Variants in LRRC4C observed in about 807,000 individuals in gnomAD.
LRRC4C encodes leucine rich repeat containing 4C.
Under a neutral mutation model 33.6 loss-of-function variants are expected in LRRC4C, and 5 were observed. The ratio of observed to expected loss-of-function variants is 0.15; its 90% CI spans 0.08 to 0.31. The LOEUF (loss-of-function observed/expected upper bound fraction) is 0.31. Ranked by LOEUF, LRRC4C falls within the 10% of genes least tolerant of loss-of-function variation. The pLI, the probability that LRRC4C is intolerant of heterozygous loss-of-function variation, is 1.00. For missense variants in LRRC4C, 560 were observed against 796.7 expected (o/e 0.70, Z 3.58); for synonymous variants, 329 against 302.0 (o/e 1.09, Z -0.93).
intron 3 of LRRC4C, among the ~76,000 whole-genome samples, chr11:40,405,220 G>A (rs1949916439): frequency 6.6e-6 from 1 of 151,398 alleles, no homozygotes; most frequent in South Asian, 2.1e-4. Context: ...ATGTCACTTA[G>A]CACCATGTCC....
chr11:40,313,896 A>G (rs1281001007), intron 4 of LRRC4C, among the ~76,000 whole-genome samples: 1 of 152,034 alleles, frequency 6.6e-6, no homozygotes, highest in Non-Finnish European at 1.5e-5. Flanking sequence ...TACAGGCGTG[A>G]GCCGCCGCGC....
At chr11:40,456,505 A>C (rs1241819385) in intron 3 of LRRC4C, among the ~76,000 whole-genome samples, 6 of 152,110 alleles carry the variant, frequency 3.9e-5, no homozygotes. Context: ...AAGTGACAGA[A>C]AATATGGAAG....
chr11:41,118,965 CTTTT>C (rs1942284061), intron 1 of LRRC4C, among the ~76,000 whole-genome samples: 3 of 150,404 alleles, frequency 2.0e-5, no homozygotes, highest in Middle Eastern at 3.4e-3. Context: ...CTGCTTATTT[CTTTT>C]TATTTGTTAA....
chr11:41,365,463 C>T (rs1166111839), intron 1 of LRRC4C, among the ~76,000 whole-genome samples: 1 of 152,014 alleles, frequency 6.6e-6, no homozygotes, highest in Non-Finnish European at 1.5e-5. Flanking sequence ...TCAACAACAT[C>T]CCCACCCCTA....
chr11:41,299,290 A>G (rs1392734746), intron 1 of LRRC4C, among the ~76,000 whole-genome samples: 1 of 152,170 alleles, frequency 6.6e-6, no homozygotes, highest in Non-Finnish European at 1.5e-5. Flanking sequence ...ATTAGGAGAA[A>G]GGTAAAAACA....
rs77683172 is a variant in LRRC4C, at chr11:40,495,813, G to GTTTTTTTTTTTTTT, written c.-270+152315_-270+152328dup. The stretch of plus-strand genomic sequence containing the variant: ...TTTTATTGAAGTTCTCAATAAACAT[G>GTTTTTTTTTTTTTT]TTTTTTTTTTTTTTTTTTTTTTTTT... On this transcript the variant is annotated intron_variant, in intron 3 of 6. Coordinates refer to ENST00000528697, the MANE Select transcript of LRRC4C (RefSeq NM_001258419.2). Among the ~76,000 whole-genome samples, 74 of 67,006 alleles carry GTTTTTTTTTTTTTT rather than the reference G, an allele frequency of 1.1e-3. 17 individuals carry two copies. Among genetic ancestry groups the GTTTTTTTTTTTTTT allele is most frequent in the African/African-American group, 2.2e-3 (35 of 15,812 alleles). 44.0% of individuals were successfully genotyped at this position (67,006 alleles called of 152,430 possible). A position where few individuals can be genotyped will look rare whatever the true frequency, so the allele number is the denominator to read the frequency against.
chr11:41,355,053 G>A (rs1952111154), intron 1 of LRRC4C, among the ~76,000 whole-genome samples: 1 of 152,064 alleles, frequency 6.6e-6, no homozygotes, highest in Non-Finnish European at 1.5e-5. Context: ...AGAGCAAACA[G>A]ACAACCTACA....
intron 3 of LRRC4C, among the ~76,000 whole-genome samples, chr11:40,573,932 C>G (rs182089500): frequency 1.4e-3 from 214 of 152,120 alleles, no homozygotes; most frequent in African/African-American, 4.8e-3. Flanking sequence ...TGTAAATGCT[C>G]AGCAGAGTGG....
chr11:41,418,185 A>G (rs562040487), intron 1 of LRRC4C, among the ~76,000 whole-genome samples: 208 of 152,122 alleles, frequency 1.4e-3, no homozygotes, highest in African/African-American at 4.6e-3. Context: ...TCAGATTTAC[A>G]TAGACATATC....
chr11:40,366,005 T>C (rs1264893256), intron 3 of LRRC4C, among the ~76,000 whole-genome samples: 1 of 152,056 alleles, frequency 6.6e-6, no homozygotes, highest in Admixed American at 6.6e-5. Flanking sequence ...GTATACAGAA[T>C]GTTATGAAAG....
chr11:40,339,794 T>G (rs929766609), intron 3 of LRRC4C, among the ~76,000 whole-genome samples: 1 of 152,206 alleles, frequency 6.6e-6, no homozygotes, highest in African/African-American at 2.4e-5. Flanking sequence ...TCAATTGTAA[T>G]AATATTAATT....
intron 1 of LRRC4C, among the ~76,000 whole-genome samples, chr11:41,253,164 G>A (rs1948696721): frequency 6.6e-6 from 1 of 152,074 alleles, no homozygotes; most frequent in South Asian, 2.1e-4. Context: ...CAGATCTGAG[G>A]ATATTCATTG....
At chr11:40,311,832 C>T (rs532490136) in intron 4 of LRRC4C, among the ~76,000 whole-genome samples, 2 of 150,700 alleles carry the variant, frequency 1.3e-5, no homozygotes, top group Non-Finnish European at 2.9e-5. Context: ...GTAGTCCCAG[C>T]TACTTGGGAG....
At chr11:40,813,476 C>T (rs1951577991) in intron 2 of LRRC4C, among the ~76,000 whole-genome samples, 1 of 152,064 alleles carries the variant, frequency 6.6e-6, no homozygotes, top group Non-Finnish European at 1.5e-5. Context: ...ATTATCTATA[C>T]CTGGCTCCAC....
chr11:41,417,183 G>A lies in LRRC4C; in HGVS notation c.-496+42248C>T, dbSNP rs1299956790. ...TGTTACTGCGATGCTAGCAATCACA[G>A]GATATATACTCAGTGACAACACTTA... On this transcript the variant is annotated intron_variant, in intron 1 of 6. Coordinates refer to ENST00000528697, the MANE Select transcript of LRRC4C (RefSeq NM_001258419.2). 2.0e-5 allele frequency among the ~76,000 whole-genome samples: 3 copies of A among 151,956 alleles called. No homozygotes were observed. The South Asian group carries it at 6.2e-4, about 31-fold the overall frequency.
intron 1 of LRRC4C, among the ~76,000 whole-genome samples, chr11:41,322,953 G>T (rs765159276): frequency 1.3e-5 from 2 of 152,002 alleles, no homozygotes; most frequent in African/African-American, 2.4e-5. Flanking sequence ...ATTAACCAAA[G>T]AACATTACAT....
chr11:41,127,658 A>T (rs1288662269), intron 1 of LRRC4C, among the ~76,000 whole-genome samples: 1 of 152,130 alleles, frequency 6.6e-6, no homozygotes, highest in Non-Finnish European at 1.5e-5. Flanking sequence ...CTAGGCCATG[A>T]AATGGAACAG....
chr11:40,888,774 A>T (rs1955573514), intron 2 of LRRC4C, among the ~76,000 whole-genome samples: 1 of 151,954 alleles, frequency 6.6e-6, no homozygotes, highest in Non-Finnish European at 1.5e-5. Flanking sequence ...TATGTCCGAG[A>T]TCTTTGAAGG....
chr11:40,334,101 C>T (rs980868870), intron 3 of LRRC4C, among the ~76,000 whole-genome samples: 2 of 152,118 alleles, frequency 1.3e-5, no homozygotes, highest in Non-Finnish European at 2.9e-5. Flanking sequence ...ATGGGAAAAC[C>T]TAACCTGGTG....
Sources: gnomAD v4.1 joint callset for allele counts (sites outside exome capture counted in the v4.1 genomes callset) on GRCh38, gnomAD v4.1.1 for gene constraint, MANE v1.5 for transcripts, NCBI Gene and HGNC (gene_info 2026-07-23, HGNC 2026-07-21) for gene names.